DPYD: variants seen among roughly 807,000 people sequenced by gnomAD.
DPYD encodes the protein dihydropyrimidine dehydrogenase [NADP(+)].
In DPYD, 109 loss-of-function variants were observed where a neutral mutation model predicts 116.2. That is an observed-to-expected ratio of 0.94 (90% CI 0.80 to 1.10). The LOEUF is 1.10. DPYD is among the 50% of genes least tolerant of loss of function. DPYD has a pLI of 0.00. For synonymous variants in DPYD, 440 were observed against 432.0 expected, an observed-to-expected ratio of 1.02 and a Z score of -0.23; for missense variants, 1,302 against 1,254.5, an observed-to-expected ratio of 1.04 and a Z score of -0.57.
intron 2 of DPYD, among the ~76,000 whole-genome samples, chr1:97,864,318 C>T (rs1671265076): frequency 6.6e-6 from 1 of 151,700 alleles, no homozygotes; most frequent in Non-Finnish European, 1.5e-5. Context: ...GGGCTGGGGG[C>T]CTGGGAAAGA....
intron 4 of DPYD, among the ~76,000 whole-genome samples, chr1:97,732,878 T>C (rs924124975): frequency 1.3e-5 from 2 of 152,168 alleles, no homozygotes; most frequent in Admixed American, 6.5e-5. Flanking sequence ...ATATTTATTC[T>C]GTAGAACTCT....
rs906193361 is a variant in DPYD at position 97,655,252 on chromosome 1, A to T, written c.850+23843T>A. Among the ~76,000 whole-genome samples, 20 of 152,194 alleles carry T rather than the reference A, an allele frequency of 1.3e-4. 1 individual carries two copies. The highest frequency in any genetic ancestry group is 1.9e-4 in the Non-Finnish European group (13 of 68,044). On this transcript the variant is annotated intron_variant, in intron 8 of 22. Coordinates refer to ENST00000370192, the MANE Select transcript of DPYD (RefSeq NM_000110.4). ...GAAGAGGAATTCTGAAAATGAACAA[A>T]ATCCTCTGGGATCCCACAATGAAGT... is the stretch of plus-strand genomic sequence containing the variant.
intron 13 of DPYD, among the ~76,000 whole-genome samples, chr1:97,493,047 C>T (rs1307692138): frequency 2.6e-5 from 4 of 152,090 alleles, no homozygotes; most frequent in African/African-American, 9.7e-5. Context: ...TCTCTTTCTC[C>T]CTCACTCATC....
At chr1:97,306,123 T>C (rs1667144785) in intron 17 of DPYD, 54 bp downstream of exon 17, 6 of 1,610,418 alleles carry the variant, frequency 3.7e-6, no homozygotes, top group Non-Finnish European at 5.1e-6. Context: ...TATGGCTACA[T>C]AATGTGGGCC....
chr1:97,728,936 G>A (rs544811389), intron 4 of DPYD, among the ~76,000 whole-genome samples: 56 of 151,700 alleles, frequency 3.7e-4, no homozygotes, highest in East Asian at 1.7e-3. Context: ...TGCCCTCATC[G>A]TACTCATACT....
At chr1:97,303,600 C>A (rs1291738227) in intron 18 of DPYD, among the ~76,000 whole-genome samples, 3 of 151,974 alleles carry the variant, frequency 2.0e-5, no homozygotes, top group African/African-American at 7.2e-5. Context: ...TTTTCAGATT[C>A]TATTACTTTT....
intron 8 of DPYD, among the ~76,000 whole-genome samples, chr1:97,607,085 C>A (rs547173226): frequency 6.6e-6 from 1 of 151,924 alleles, no homozygotes; most frequent in South Asian, 2.1e-4. Context: ...CTCCAGATTC[C>A]CTAGAGGTAT....
intron 13 of DPYD, among the ~76,000 whole-genome samples, chr1:97,470,110 A>G (rs1374611020): frequency 6.6e-6 from 1 of 152,216 alleles, no homozygotes; most frequent in Non-Finnish European, 1.5e-5. Context: ...GTATATATTG[A>G]TTCTCATAAA....
At chr1:97,540,549 G>A (rs1037024721) in intron 12 of DPYD, among the ~76,000 whole-genome samples, 13 of 152,056 alleles carry the variant, frequency 8.5e-5, no homozygotes, top group Admixed American at 1.3e-4. Flanking sequence ...CTTGGCACAC[G>A]GAAGCGTTCT....
intron 2 of DPYD, among the ~76,000 whole-genome samples, chr1:97,832,045 TTG>T (rs35795641): frequency 0.073 from 9,747 of 133,874 alleles, 366 homozygotes; most frequent in African/African-American, 0.12. Flanking sequence ...ATATAATGTA[TTG>T]TGTGTGTGTG....
At chr1:97,811,589 C>T (rs1668351939) in intron 3 of DPYD, among the ~76,000 whole-genome samples, 1 of 152,150 alleles carries the variant, frequency 6.6e-6, no homozygotes, top group Non-Finnish European at 1.5e-5. Context: ...TAGATTAGAT[C>T]TCAGCCCCTT....
intron 5 of DPYD, among the ~76,000 whole-genome samples, chr1:97,713,488 G>T (rs1190218646): frequency 6.6e-6 from 1 of 151,874 alleles, no homozygotes; most frequent in Non-Finnish European, 1.5e-5. Flanking sequence ...AATTCATCTG[G>T]CCCCACAGTT....
At chr1:97,121,297 A>G (rs1244422786) in intron 20 of DPYD, among the ~76,000 whole-genome samples, 1 of 152,122 alleles carries the variant, frequency 6.6e-6, no homozygotes, top group African/African-American at 2.4e-5. Context: ...TAATCATCCC[A>G]TTGACATTAA....
chr1:97,700,929 C>G (rs143934907), intron 5 of DPYD, among the ~76,000 whole-genome samples: 165 of 151,082 alleles, frequency 1.1e-3, no homozygotes, highest in African/African-American at 3.8e-3. Context: ...ATTTTAAAAA[C>G]ACATTATTAA....
In DPYD at chr1:97,514,191, G is replaced by A. The variant is rs141947168; in HGVS notation, c.1740+1535C>T. The A allele has an allele frequency of 1.2e-4, 118 of 984,660 alleles. 2 individuals are homozygous for A. The East Asian group carries it at 0.011, about 95-fold the overall frequency. The allele number at this position is 984,660 out of a possible 1,614,324, so 61.0% of individuals were successfully genotyped here. On this transcript the variant is annotated intron_variant, in intron 13 of 22. Transcript: ENST00000370192. ...GTTAGCTTCCACATTTATTTCTGCT[G>A]GTGATCCTAATAAAGGCAAGTGCTC...
intron 20 of DPYD, among the ~76,000 whole-genome samples, chr1:97,106,121 G>T (rs918281867): frequency 6.6e-6 from 1 of 152,044 alleles, no homozygotes; most frequent in African/African-American, 2.4e-5. Context: ...GTAGGATGAT[G>T]GCGGTAGCAA....
intron 19 of DPYD, among the ~76,000 whole-genome samples, chr1:97,215,724 C>T (rs1341833487): frequency 1.3e-5 from 2 of 152,156 alleles, no homozygotes; most frequent in Non-Finnish European, 1.5e-5. Context: ...TCCTCCTGCG[C>T]ACAAACAGGC....
chr1:97,819,181 A>G (rs921076756), intron 3 of DPYD, among the ~76,000 whole-genome samples: 24 of 152,120 alleles, frequency 1.6e-4, no homozygotes, highest in Admixed American at 1.4e-3. Flanking sequence ...TAGAAATGAT[A>G]AAGATAACAT....
chr1:97,188,641 G>A (rs1453351978), intron 20 of DPYD, among the ~76,000 whole-genome samples: 3 of 152,158 alleles, frequency 2.0e-5, no homozygotes, highest in East Asian at 1.9e-4. Flanking sequence ...CTTTCTTGGA[G>A]GCCAAGGAAG....
Sources: gnomAD v4.1 joint callset for allele counts (sites outside exome capture counted in the v4.1 genomes callset) on GRCh38, gnomAD v4.1.1 for gene constraint, MANE v1.5 for transcripts, NCBI Gene and HGNC (gene_info 2026-07-23, HGNC 2026-07-21) for gene names.